Variants in ZBTB44 observed in about 807,000 individuals in gnomAD.
ZBTB44 encodes zinc finger and BTB domain containing 44, also known as zinc finger and BTB domain-containing protein 44.
ZBTB44 carries 15 observed loss-of-function variants against 54.0 expected under a neutral mutation model. The observed-to-expected ratio is 0.28, with a 90% CI of 0.19 to 0.43. ZBTB44 has a LOEUF of 0.43. ZBTB44 is among the 20% of genes least tolerant of loss of function. The probability of loss-of-function intolerance (pLI) is 1.00; values close to 1 mark genes in which losing one functional copy is unlikely to be tolerated. For missense variants in ZBTB44, 487 were observed against 707.1 expected, an observed-to-expected ratio of 0.69 and a Z score of 3.53; for synonymous variants, 230 against 250.1, an observed-to-expected ratio of 0.92 and a Z score of 0.76.
intron 1 of ZBTB44, among the ~76,000 whole-genome samples, chr11:130,286,585 T>G (rs1363160444): frequency 6.6e-6 from 1 of 152,212 alleles, no homozygotes; most frequent in Non-Finnish European, 1.5e-5. Flanking sequence ...TACTAAGCAT[T>G]AATTAAAAGA....
At chr11:130,307,833 C>G (rs1336563903) in intron 1 of ZBTB44, among the ~76,000 whole-genome samples, 2 of 152,170 alleles carry the variant, frequency 1.3e-5, no homozygotes, top group Non-Finnish European at 2.9e-5. Flanking sequence ...TCAAGCAATT[C>G]TCCTGTCTCA....
At chr11:130,295,021 G>T (rs929624958) in intron 1 of ZBTB44, among the ~76,000 whole-genome samples, 1 of 152,050 alleles carries the variant, frequency 6.6e-6, no homozygotes, top group Non-Finnish European at 1.5e-5. Context: ...TCAGCCCCGA[G>T]AACTGAGTAG....
chr11:130,256,624 C>T (rs1487560350), intron 2 of ZBTB44, among the ~76,000 whole-genome samples: 2 of 149,294 alleles, frequency 1.3e-5, no homozygotes, highest in Non-Finnish European at 3.0e-5. Flanking sequence ...CACTGCACTC[C>T]AGCCTGGTGA....
intron 1 of ZBTB44, among the ~76,000 whole-genome samples, chr11:130,303,386 G>A (rs1019807891): frequency 6.6e-6 from 1 of 152,110 alleles, no homozygotes; most frequent in African/African-American, 2.4e-5. Context: ...GTTTAATCCC[G>A]GCACTTTAGG....
At chr11:130,238,258 C>T (rs1330609004) in intron 4 of ZBTB44, among the ~76,000 whole-genome samples, 186 bp downstream of exon 4, 3 of 152,200 alleles carry the variant, frequency 2.0e-5, no homozygotes, top group Non-Finnish European at 4.4e-5. Flanking sequence ...GAATACTCAA[C>T]ACCCGTGGCA....
At chr11:130,288,239 T>C (rs1252806042) in intron 1 of ZBTB44, among the ~76,000 whole-genome samples, 2 of 151,904 alleles carry the variant, frequency 1.3e-5, no homozygotes, top group African/African-American at 2.4e-5. Context: ...CCGGGTGTGG[T>C]GGCGCACACC....
At position 130,261,342 on chromosome 11, in the gene ZBTB44, G is replaced by C. The variant is rs375001701; in HGVS notation, c.532C>G (p.Arg178Gly). 1.2e-6 allele frequency: 2 copies of C among 1,613,736 alleles called. No individual in the cohort carries two copies. The highest frequency in any genetic ancestry group is 1.7e-6 in the Non-Finnish European group (2 of 1,179,892). The change falls in exon 2 of 8, where the codon CGA (arginine) becomes GGA (glycine). Residue 178 changes from arginine to glycine, a missense_variant. Transcript: ENST00000357899. This position sits in a 1 kb window ranked among gnomAD's most constrained non-coding sequence, Gnocchi z 4.8. ...SVVERTIPVCRESRRKRKSYI... is the reference protein window; with the variant it reads ...SVVERTIPVCGESRRKRKSYI... ...CTTTTGCGCTTTCTCCGGGATTCTC[G>C]GCAGACAGGAATGGTTCTTTCTACC...
chr11:130,267,764 T>C (rs1939362385), intron 1 of ZBTB44, among the ~76,000 whole-genome samples: 1 of 152,072 alleles, frequency 6.6e-6, no homozygotes, highest in African/African-American at 2.4e-5. Flanking sequence ...TCACATCCTG[T>C]AGAGAAATCC....
rs181968908 is a variant in ZBTB44 at position 130,275,044 on chromosome 11, A to G, written c.-56-13115T>C. Among the ~76,000 whole-genome samples the G allele has an allele frequency of 1.1e-4, 17 of 152,332 alleles. 1 individual carries two copies. Among genetic ancestry groups the G allele is most frequent in the African/African-American group, 4.1e-4 (17 of 41,572 alleles). On this transcript the variant is annotated intron_variant, in intron 1 of 7. Transcript: ENST00000357899. ...TAATCTCATTACTTGATATAGATCT[A>G]TTCAGATTGTCTACTGCTTCTGACA...
At chr11:130,311,304 G>T (rs561724526) in intron 1 of ZBTB44, among the ~76,000 whole-genome samples, 1 of 152,180 alleles carries the variant, frequency 6.6e-6, no homozygotes, top group South Asian at 2.1e-4. Context: ...AACCTCCTGG[G>T]CTCAAGTGAT....
intron 2 of ZBTB44, among the ~76,000 whole-genome samples, chr11:130,253,440 G>A (rs546318029): frequency 3.3e-5 from 5 of 152,132 alleles, no homozygotes; most frequent in Non-Finnish European, 7.3e-5. Context: ...GAAACAGAGA[G>A]CCAAATCATG....
intron 1 of ZBTB44, among the ~76,000 whole-genome samples, chr11:130,270,926 C>T (rs1217945577): frequency 2.0e-5 from 3 of 152,076 alleles, no homozygotes; most frequent in South Asian, 2.1e-4. Flanking sequence ...GAAGAAGTCA[C>T]GATAAATTTC....
chr11:130,296,561 CCTA>C, intron 1 of ZBTB44: 1 of 928,762 alleles, frequency 1.1e-6, no homozygotes, highest in East Asian at 2.4e-5. Context: ...TCCGGATGAC[CCTA>C]AGGAATATAT....
chr11:130,303,041 T>G (rs1000011780), intron 1 of ZBTB44, among the ~76,000 whole-genome samples: 5 of 152,196 alleles, frequency 3.3e-5, no homozygotes, highest in Admixed American at 6.5e-5. Flanking sequence ...CCTGAAAAAC[T>G]TATTCTTTAT....
chr11:130,251,594 T>G (rs1565652783), intron 2 of ZBTB44, among the ~76,000 whole-genome samples: 1 of 151,724 alleles, frequency 6.6e-6, no homozygotes, highest in Non-Finnish European at 1.5e-5. Context: ...ACAGCGGATC[T>G]CTCTACAGAG....
chr11:130,258,752 T>G (rs1281778503), intron 2 of ZBTB44, among the ~76,000 whole-genome samples: 2 of 152,158 alleles, frequency 1.3e-5, no homozygotes, highest in Admixed American at 6.6e-5. Flanking sequence ...CATTGCCCCT[T>G]TCTAGAATAC....
rs149516850 is a variant in ZBTB44 at position 130,247,754 on chromosome 11, C to T, written c.1019-7858G>A. 3.4e-3 allele frequency among the ~76,000 whole-genome samples: 516 copies of T among 152,164 alleles called. 1 individual carries two copies. The highest frequency in any genetic ancestry group is 0.012 in the African/African-American group (479 of 41,506). On this transcript the variant is annotated intron_variant, in intron 2 of 7. Coordinates refer to ENST00000357899, the MANE Select transcript of ZBTB44 (RefSeq NM_001301098.2). ...ACATAAGCCAGTGAGAAAAAAAAAC[C>T]CACGTATTTCATGATCCCACTGATA...
chr11:130,239,907 G>T lies in ZBTB44; in HGVS notation c.1019-11C>A. ...CTTCATCTACTGAGCCTGTGAATAA[G>T]AGAAAGAGGACCACTGTAATCCTTT... On this transcript the variant is annotated splice_polypyrimidine_tract_variant and intron_variant, in intron 2 of 7. Transcript: ENST00000357899. 6.2e-7 allele frequency: 1 copy of T among 1,600,866 alleles called. No homozygotes were observed. Among genetic ancestry groups the T allele is most frequent in the South Asian group, 1.1e-5 (1 of 89,136 alleles).
rs1421017894 is a variant in ZBTB44, at chr11:130,314,774, G to A, written c.-456C>T. 1 of 150,908 alleles carries A rather than the reference G, an allele frequency of 6.6e-6. No homozygotes were observed. Among genetic ancestry groups the A allele is most frequent in the Non-Finnish European group, 1.5e-5 (1 of 67,562 alleles). The allele number at this position is 150,908 out of a possible 1,614,324, so 9.3% of individuals were successfully genotyped here. A position where few individuals can be genotyped will look rare whatever the true frequency, so the allele number is the denominator to read the frequency against. On this transcript the variant is annotated 5_prime_UTR_variant, in exon 1 of 8. Coordinates refer to ENST00000357899, the MANE Select transcript of ZBTB44 (RefSeq NM_001301098.2). Reference sequence around the variant, plus strand: ...CGGCTCGCGTGTTCCCAGCGGGGCGGGGTGGGGAAGGGGAAGGGGACTGAG... The same window carrying A: ...CGGCTCGCGTGTTCCCAGCGGGGCGAGGTGGGGAAGGGGAAGGGGACTGAG...
Sources: gnomAD v4.1 joint callset for allele counts (sites outside exome capture counted in the v4.1 genomes callset) on GRCh38, gnomAD v4.1.1 for gene constraint, Gnocchi (gnomAD v3.1) non-coding constraint, MANE v1.5 for transcripts, NCBI Gene and HGNC (gene_info 2026-07-23, HGNC 2026-07-21) for gene names.